MYOT: variants seen among roughly 807,000 people sequenced by gnomAD.
MYOT encodes the protein 57 kDa cytoskeletal protein.
A neutral mutation model predicts 58.0 loss-of-function variants in MYOT; 36 were observed. The ratio of observed to expected loss-of-function variants is 0.62; its 90% CI spans 0.48 to 0.82. MYOT has a LOEUF of 0.82. MYOT is among the 40% of genes least tolerant of loss of function. The probability of loss-of-function intolerance (pLI) is 0.00; values close to 1 mark genes in which losing one functional copy is unlikely to be tolerated. For missense variants in MYOT, 505 were observed against 592.1 expected (o/e 0.85, Z 1.53); for synonymous variants, 218 against 204.6 (o/e 1.07, Z -0.56).
intron 4 of MYOT, among the ~76,000 whole-genome samples, chr5:137,877,939 T>C (rs1755286012): frequency 6.6e-6 from 1 of 152,192 alleles, no homozygotes; most frequent in Admixed American, 6.5e-5. Context: ...AGGGAATATA[T>C]GGGTTGTGAA....
chr5:137,873,718 T>C (rs1442312441), intron 2 of MYOT, among the ~76,000 whole-genome samples: 1 of 152,124 alleles, frequency 6.6e-6, no homozygotes, highest in Non-Finnish European at 1.5e-5. Flanking sequence ...CTTTAAAAAT[T>C]TATATAGACA....
chr5:137,877,772 C>G (rs1755280196), intron 4 of MYOT, 151 bp downstream of exon 4: 2 of 646,698 alleles, frequency 3.1e-6, no homozygotes, highest in African/African-American at 3.6e-5. Flanking sequence ...AACATATATA[C>G]ATAATTTTAC....
rs35301804 is a variant in MYOT at position 137,870,288 on chromosome 5, GACACACACACACAC to G, written c.-211-127_-211-114del. Among the ~76,000 whole-genome samples the G allele has an allele frequency of 2.3e-4, 29 of 127,080 alleles. No homozygotes were observed. The South Asian group carries it at 5.8e-3, about 26-fold the overall frequency. 83.4% of individuals were successfully genotyped at this position (127,080 alleles called of 152,430 possible). On this transcript the variant is annotated intron_variant, in intron 1 of 9. Transcript: ENST00000239926. ...TATGTTCGCCTGGGCGATTAAGCAA[GACACACACACACAC>G]ACACACACACACACACACACACACA...
intron 4 of MYOT, among the ~76,000 whole-genome samples, chr5:137,879,952 A>C (rs1402524820): frequency 1.3e-5 from 2 of 152,138 alleles, no homozygotes; most frequent in Non-Finnish European, 2.9e-5. Context: ...CTAGCCAAAA[A>C]TTGTTACAGA....
chr5:137,885,398 T>C (rs574347513), intron 7 of MYOT, among the ~76,000 whole-genome samples: 2 of 152,150 alleles, frequency 1.3e-5, no homozygotes, highest in South Asian at 4.1e-4. Context: ...ATGGAGCCAA[T>C]AGGTAATTTG....
At chr5:137,877,437 T>A in intron 3 of MYOT, 83 bp from the exon 4 acceptor site, 2 of 836,042 alleles carry the variant, frequency 2.4e-6, no homozygotes, top group Non-Finnish European at 4.2e-6. Flanking sequence ...TTTGAAGTTC[T>A]GACCTATAGT....
chr5:137,881,972 G>A lies in MYOT; in HGVS notation c.684-1G>A. On this transcript the variant is annotated splice_acceptor_variant, in intron 5 of 9. Coordinates refer to ENST00000239926, the MANE Select transcript of MYOT (RefSeq NM_006790.3). LOFTEE classifies it high-confidence loss of function. ...TAGTTGTTACCAAAATATTCTTGTA[G>A]AAGTAGATCAACCTCAAGGGGAGAT... 3 of 1,613,732 alleles carry A rather than the reference G, an allele frequency of 1.9e-6. No homozygotes were observed. The highest frequency in any genetic ancestry group is 2.5e-6 in the Non-Finnish European group (3 of 1,179,618).
intron 2 of MYOT, among the ~76,000 whole-genome samples, chr5:137,873,039 T>C (rs1755098890): frequency 6.6e-6 from 1 of 152,198 alleles, no homozygotes; most frequent in Non-Finnish European, 1.5e-5. Flanking sequence ...AATGAGAGTA[T>C]TCAGTGAACA....
chr5:137,883,808 A>G (rs1385157734), intron 7 of MYOT, among the ~76,000 whole-genome samples: 1 of 152,228 alleles, frequency 6.6e-6, no homozygotes, highest in East Asian at 1.9e-4. Flanking sequence ...AAGTCAGTGA[A>G]ACTAGAATGA....
At chr5:137,884,124 G>A (rs1272545908) in intron 7 of MYOT, among the ~76,000 whole-genome samples, 3 of 152,282 alleles carry the variant, frequency 2.0e-5, no homozygotes, top group South Asian at 4.1e-4. Flanking sequence ...CAAGGTGGAA[G>A]GATCACTTGA....
intron 2 of MYOT, among the ~76,000 whole-genome samples, chr5:137,875,119 A>G (rs529004703): frequency 1.2e-4 from 18 of 152,354 alleles, no homozygotes; most frequent in African/African-American, 3.6e-4. Context: ...CCACCACTTA[A>G]TATCTACCCA....
At chr5:137,887,185 G>T in intron 9 of MYOT, 28 bp from the exon 10 acceptor site, 1 of 1,613,770 alleles carries the variant, frequency 6.2e-7, no homozygotes, top group South Asian at 1.1e-5. Flanking sequence ...CAGGTTTTCT[G>T]AATCAACTTT....
At position 137,887,791 on chromosome 5, in the gene MYOT, T is replaced by C; in HGVS notation, c.*406T>C. 1 of 157,462 alleles carries C rather than the reference T, an allele frequency of 6.4e-6. No individual in the cohort carries two copies. The highest frequency in any genetic ancestry group is 1.9e-4 in the East Asian group (1 of 5,364). 9.8% of individuals were successfully genotyped at this position (157,462 alleles called of 1,614,324 possible). A position where few individuals can be genotyped will look rare whatever the true frequency, so the allele number is the denominator to read the frequency against. On this transcript the variant is annotated 3_prime_UTR_variant, in exon 10 of 10. Coordinates refer to ENST00000239926, the MANE Select transcript of MYOT (RefSeq NM_006790.3). The stretch of plus-strand genomic sequence containing the variant: ...TGTAGGAATACTAACATGGTATAGA[T>C]TATCTGAGTGTTCCACAGTTGTATG...
intron 6 of MYOT, 176 bp from the exon 7 acceptor site, chr5:137,883,208 G>A: frequency 1.6e-6 from 1 of 616,298 alleles, no homozygotes; most frequent in Non-Finnish European, 2.9e-6. Flanking sequence ...TTAATTTCAA[G>A]GATCTTATTT....
At position 137,887,270 on chromosome 5, in the gene MYOT, G is replaced by A. The variant is rs1196441565; in HGVS notation, c.1382G>A (p.Ser461Asn). 1 of 1,614,008 alleles carries A rather than the reference G, an allele frequency of 6.2e-7. No individual in the cohort carries two copies. The highest frequency in any genetic ancestry group is 8.5e-7 in the Non-Finnish European group (1 of 1,179,968). Residue 461 changes from serine to asparagine, a missense_variant, in exon 10 of 10, where the codon AGC becomes AAC. Coordinates refer to ENST00000239926, the MANE Select transcript of MYOT (RefSeq NM_006790.3). ...CAGTTACGGGTTCGACCAACATTCA[G>A]CAAATATTTAGCACTTAATGGGAAA... ...PKQLRVRPTF[S>N]KYLALNGKGL...
intron 1 of MYOT, among the ~76,000 whole-genome samples, chr5:137,868,811 CTT>C (rs927839794): frequency 1.3e-5 from 2 of 151,284 alleles, no homozygotes; most frequent in African/African-American, 4.9e-5. Context: ...TTGAAATAGA[CTT>C]TTTTTTTAGA....
intron 8 of MYOT, 92 bp from the exon 9 acceptor site, chr5:137,886,772 G>GC: frequency 1.0e-6 from 1 of 968,650 alleles, no homozygotes; most frequent in Admixed American, 2.1e-5. Flanking sequence ...ATTTTCAAAT[G>GC]TTTTTTTCTT....
chr5:137,879,026 C>G (rs552426539), intron 4 of MYOT, among the ~76,000 whole-genome samples: 56 of 152,154 alleles, frequency 3.7e-4, no homozygotes, highest in Admixed American at 6.5e-4. Context: ...ACATCTACTT[C>G]CCAAGTTCAA....
In MYOT at chr5:137,883,538, T is replaced by C; in HGVS notation, c.971T>C (p.Val324Ala). 1 of 1,614,194 alleles carries C rather than the reference T, an allele frequency of 6.2e-7. No individual in the cohort carries two copies. Among genetic ancestry groups the C allele is most frequent in the Non-Finnish European group, 8.5e-7 (1 of 1,180,032 alleles). ...RASDAGAYAC[V>A]AKNRAGEATF... ...TCAGATGCAGGGGCTTATGCATGTG[T>C]TGCCAAGAATAGAGCAGGAGAAGCC... is the stretch of plus-strand genomic sequence containing the variant. The change falls in exon 7 of 10, where the codon GTT (valine) becomes GCT (alanine). Residue 324 changes from valine to alanine, a missense_variant. Physicochemically the swap from Val to Ala is moderately conservative, Grantham distance 64. Coordinates refer to ENST00000239926, the MANE Select transcript of MYOT (RefSeq NM_006790.3).
Sources: gnomAD v4.1 joint callset for allele counts (sites outside exome capture counted in the v4.1 genomes callset) on GRCh38, gnomAD v4.1.1 for gene constraint, MANE v1.5 for transcripts, NCBI Gene and HGNC (gene_info 2026-07-23, HGNC 2026-07-21) for gene names.